MBOAT2: variants seen among roughly 807,000 people sequenced by gnomAD.
MBOAT2 encodes the protein membrane-bound glycerophospholipid O-acyltransferase 2.
MBOAT2 carries 28 observed loss-of-function variants against 63.4 expected under a neutral mutation model. That is an observed-to-expected ratio of 0.44 (90% CI 0.33 to 0.61). MBOAT2 has a LOEUF of 0.61. MBOAT2 is among the 20% of genes least tolerant of loss of function. The pLI is 0.03. For missense variants in MBOAT2, 470 were observed against 605.8 expected (o/e 0.78, Z 2.35); for synonymous variants, 211 against 215.6 (o/e 0.98, Z 0.19).
chr2:8,994,913 G>A (rs1403371699), intron 1 of MBOAT2, among the ~76,000 whole-genome samples: 4 of 152,200 alleles, frequency 2.6e-5, no homozygotes, highest in Non-Finnish European at 5.9e-5. Flanking sequence ...AATGTATTGA[G>A]GAGCATTTTA....
chr2:8,981,044 A>G (rs1671160646), intron 1 of MBOAT2, among the ~76,000 whole-genome samples: 1 of 148,800 alleles, frequency 6.7e-6, no homozygotes, highest in African/African-American at 2.6e-5. Context: ...ATATGCAAAG[A>G]TAGATAAACC....
At position 9,003,484 on chromosome 2, in the gene MBOAT2, G is replaced by A. The variant is rs975921444; in HGVS notation, c.75+56C>T. 1.2e-5 allele frequency: 13 copies of A among 1,121,768 alleles called. No homozygotes were observed. In the African/African-American group the frequency reaches 2.0e-4, roughly 17 times the overall value. 69.5% of individuals were successfully genotyped at this position (1,121,768 alleles called of 1,614,324 possible). The stretch of plus-strand genomic sequence containing the variant: ...CCCGGGCCCCCGGTCGGGTGGCACC[G>A]CGGCGGGGAGGGGCGGCGAGGGCGC... On this transcript the variant is annotated intron_variant, in intron 1 of 12. Transcript: ENST00000305997. This position sits in a 1 kb window ranked among gnomAD's most constrained non-coding sequence, Gnocchi z 5.4.
intron 4 of MBOAT2, among the ~76,000 whole-genome samples, chr2:8,904,648 T>C (rs983503885): frequency 5.9e-5 from 9 of 151,718 alleles, no homozygotes; most frequent in Non-Finnish European, 1.0e-4. Flanking sequence ...AACAGTCTGA[T>C]TTTTTTTTCC....
intron 4 of MBOAT2, among the ~76,000 whole-genome samples, chr2:8,898,382 T>G (rs542449822): frequency 6.6e-6 from 1 of 152,306 alleles, no homozygotes; most frequent in Non-Finnish European, 1.5e-5. Flanking sequence ...CGCAACTGTT[T>G]TAATGTCTTA....
chr2:8,971,296 G>A (rs1217948131), intron 1 of MBOAT2, among the ~76,000 whole-genome samples: 1 of 152,148 alleles, frequency 6.6e-6, no homozygotes, highest in Non-Finnish European at 1.5e-5. Flanking sequence ...TGCAGAAAAG[G>A]CCTTTGACAA....
At position 8,922,464 on chromosome 2, in the gene MBOAT2, C is replaced by T. The variant is rs184777733; in HGVS notation, c.300-13748G>A. Among the ~76,000 whole-genome samples, 6 of 152,262 alleles carry T rather than the reference C, an allele frequency of 3.9e-5. No individual in the cohort carries two copies. The East Asian group carries it at 9.6e-4, about 24-fold the overall frequency. ...CATCTTTTTCTTGAGCACTGCTGTG[C>T]TGTTTTTGTTTCTTAGCCTGAAGTT... On this transcript the variant is annotated intron_variant, in intron 3 of 12. Coordinates refer to ENST00000305997, the MANE Select transcript of MBOAT2 (RefSeq NM_138799.4).
rs568021235 is a variant in MBOAT2 at position 8,967,459 on chromosome 2, G to A, written c.76-8817C>T. 4.6e-5 allele frequency among the ~76,000 whole-genome samples: 7 copies of A among 152,268 alleles called. No individual in the cohort carries two copies. The South Asian group carries it at 1.2e-3, about 27-fold the overall frequency. ...GAGCTTCACTCGAATAAATGGAAAC[G>A]CAAAACATTCTTGGATGGGAAGACT... On this transcript the variant is annotated intron_variant, in intron 1 of 12. Transcript: ENST00000305997.
intron 10 of MBOAT2, 128 bp downstream of exon 10, chr2:8,864,042 C>T (rs1572911174): frequency 1.6e-6 from 1 of 624,432 alleles, no homozygotes; most frequent in Non-Finnish European, 2.7e-6. Context: ...ACAGTGTTTC[C>T]CGGCTGACAC....
At chr2:8,864,107 G>T in intron 10 of MBOAT2, 63 bp downstream of exon 10, 1 of 1,153,358 alleles carries the variant, frequency 8.7e-7, no homozygotes, top group South Asian at 1.5e-5. Flanking sequence ...TGAACTCAAT[G>T]AAGCTCAACC....
At chr2:8,905,458 C>T (rs1665259278) in intron 4 of MBOAT2, among the ~76,000 whole-genome samples, 1 of 152,146 alleles carries the variant, frequency 6.6e-6, no homozygotes, top group South Asian at 2.1e-4. Flanking sequence ...AAAGTTTTCT[C>T]CTATACTATG....
At chr2:8,958,769 C>T in intron 1 of MBOAT2, 127 bp from the exon 2 acceptor site, 1 of 947,542 alleles carries the variant, frequency 1.1e-6, no homozygotes, top group Non-Finnish European at 1.5e-6. Context: ...GTTAACAAAA[C>T]AAAAACAAAA....
intron 1 of MBOAT2, among the ~76,000 whole-genome samples, chr2:8,995,987 A>AG (rs1382059397): frequency 6.6e-6 from 1 of 152,200 alleles, no homozygotes; most frequent in African/African-American, 2.4e-5. Flanking sequence ...GGGGGGAAGC[A>AG]GGGGCCCTGT....
Position 8,896,163 on chromosome 2 carries a change from C to T in MBOAT2, c.396-8090G>A, listed in dbSNP as rs1053533013. 7.6e-5 allele frequency among the ~76,000 whole-genome samples: 11 copies of T among 144,720 alleles called. No individual in the cohort carries two copies. In the East Asian group the frequency reaches 1.6e-3, roughly 22 times the overall value. The allele number at this position is 144,720 out of a possible 152,430, so 94.9% of individuals were successfully genotyped here. A position where few individuals can be genotyped will look rare whatever the true frequency, so the allele number is the denominator to read the frequency against. ...CTGAGGCAGAAGAATGGCGTGAACC[C>T]GGGAGGTGGAGCTTGCAGTGAGCCG... On this transcript the variant is annotated intron_variant, in intron 4 of 12. Coordinates refer to ENST00000305997, the MANE Select transcript of MBOAT2 (RefSeq NM_138799.4).
intron 3 of MBOAT2, among the ~76,000 whole-genome samples, chr2:8,925,114 C>T (rs577182850): frequency 6.6e-6 from 1 of 151,974 alleles, no homozygotes; most frequent in Non-Finnish European, 1.5e-5. Context: ...CTAATAAAAC[C>T]AGGACTTTGA....
intron 1 of MBOAT2, among the ~76,000 whole-genome samples, chr2:8,976,354 A>T (rs1670815441): frequency 6.6e-6 from 1 of 152,130 alleles, no homozygotes; most frequent in Non-Finnish European, 1.5e-5. Context: ...GAATTTATTT[A>T]CACTCTCCTA....
intron 4 of MBOAT2, among the ~76,000 whole-genome samples, chr2:8,893,042 T>G (rs1320187563): frequency 1.7e-5 from 2 of 120,696 alleles, no homozygotes; most frequent in African/African-American, 3.0e-5. Flanking sequence ...AAAAAGACTG[T>G]GGGGGCACCA....
chr2:8,870,734 AATAACTTTATTGCC>A (rs1338728821), intron 8 of MBOAT2, among the ~76,000 whole-genome samples: 1 of 152,230 alleles, frequency 6.6e-6, no homozygotes, highest in African/African-American at 2.4e-5. Flanking sequence ...TATTGCATGG[AATAACTTTATTGCC>A]TTACAGCTAA....
chr2:8,879,623 G>C (rs564426157), intron 6 of MBOAT2, among the ~76,000 whole-genome samples: 7 of 152,098 alleles, frequency 4.6e-5, no homozygotes, highest in Non-Finnish European at 1.0e-4. Context: ...GGGGTCCCCT[G>C]TGCAGTGCAG....
At chr2:8,977,917 A>G (rs1670932946) in intron 1 of MBOAT2, among the ~76,000 whole-genome samples, 1 of 151,984 alleles carries the variant, frequency 6.6e-6, no homozygotes, top group Non-Finnish European at 1.5e-5. Flanking sequence ...CCTTAGCTCT[A>G]TCTTCAAAGC....
Sources: gnomAD v4.1 joint callset for allele counts (sites outside exome capture counted in the v4.1 genomes callset) on GRCh38, gnomAD v4.1.1 for gene constraint, Gnocchi (gnomAD v3.1) non-coding constraint, MANE v1.5 for transcripts, NCBI Gene and HGNC (gene_info 2026-07-23, HGNC 2026-07-21) for gene names.